The following GRM5 variants were observed in gnomAD, a reference collection of about 807,000 sequenced individuals.
The protein encoded by GRM5 is glutamate metabotropic receptor 5.
A neutral mutation model predicts 83.1 loss-of-function variants in GRM5; 19 were observed. That is an observed-to-expected ratio of 0.23 (90% confidence interval 0.16 to 0.34). GRM5 has a LOEUF of 0.34. Ranked by LOEUF, GRM5 falls within the 10% of genes least tolerant of loss-of-function variation. The pLI is 1.00. For synonymous variants in GRM5, 675 were observed against 633.6 expected, an observed-to-expected ratio of 1.07 and a Z score of -0.98; for missense variants, 1,160 against 1,588.3, an observed-to-expected ratio of 0.73 and a Z score of 4.58.
At chr11:88,923,578 G>C (rs183576664) in intron 2 of GRM5, among the ~76,000 whole-genome samples, 1 of 152,006 alleles carries the variant, frequency 6.6e-6, no homozygotes, top group East Asian at 1.9e-4. Flanking sequence ...GGAAAAGGGG[G>C]GTGGTTAATA....
At chr11:88,899,808 A>G (rs1333500597) in intron 2 of GRM5, among the ~76,000 whole-genome samples, 1 of 152,046 alleles carries the variant, frequency 6.6e-6, no homozygotes, top group Non-Finnish European at 1.5e-5. Context: ...TCTTTGCATA[A>G]ATAAGGCAGT....
At chr11:88,549,122 A>G (rs999854991) in intron 8 of GRM5, among the ~76,000 whole-genome samples, 1 of 152,186 alleles carries the variant, frequency 6.6e-6, no homozygotes. Flanking sequence ...TAGGTAATAG[A>G]AAGGGAGATA....
intron 2 of GRM5, among the ~76,000 whole-genome samples, chr11:89,015,807 C>A (rs897416895): frequency 6.6e-6 from 1 of 152,142 alleles, no homozygotes; most frequent in African/African-American, 2.4e-5. Flanking sequence ...ATTACACAAA[C>A]CAGCTTGGAA....
At chr11:88,608,087 T>C (rs1026829442) in intron 4 of GRM5, among the ~76,000 whole-genome samples, 5 of 152,148 alleles carry the variant, frequency 3.3e-5, no homozygotes, top group Admixed American at 1.3e-4. Flanking sequence ...TTACATGCAA[T>C]TGAGACTCCA....
At chr11:88,718,199 A>C (rs1379481383) in intron 3 of GRM5, among the ~76,000 whole-genome samples, 1 of 151,944 alleles carries the variant, frequency 6.6e-6, no homozygotes, top group African/African-American at 2.4e-5. Context: ...TTCACAAGTC[A>C]ATGCCTATAT....
At chr11:88,936,297 G>A (rs986085710) in intron 2 of GRM5, among the ~76,000 whole-genome samples, 1 of 151,938 alleles carries the variant, frequency 6.6e-6, no homozygotes, top group Non-Finnish European at 1.5e-5. Context: ...GAATTGGCAA[G>A]AAGTCAATGT....
At chr11:88,946,361 G>A (rs1251058260) in intron 2 of GRM5, among the ~76,000 whole-genome samples, 6 of 152,062 alleles carry the variant, frequency 3.9e-5, no homozygotes, top group African/African-American at 7.2e-5. Flanking sequence ...GCTATCATTC[G>A]ACCTAGCCCT....
intron 2 of GRM5, among the ~76,000 whole-genome samples, chr11:88,885,164 GCT>G (rs1945021721): frequency 6.6e-6 from 1 of 151,240 alleles, no homozygotes; most frequent in Non-Finnish European, 1.5e-5. Context: ...TATTTTTTAG[GCT>G]CTAGTTTAAA....
chr11:88,785,062 A>G (rs982833400), intron 3 of GRM5, among the ~76,000 whole-genome samples: 24 of 152,090 alleles, frequency 1.6e-4, no homozygotes, highest in African/African-American at 5.8e-4. Context: ...ACCGCAGGAC[A>G]TTTCAATTAC....
chr11:88,679,781 A>G (rs1274603187), intron 3 of GRM5, among the ~76,000 whole-genome samples: 4 of 152,178 alleles, frequency 2.6e-5, no homozygotes, highest in African/African-American at 7.2e-5. Context: ...TAGCTTCACC[A>G]TACTTGATTT....
Position 88,714,701 on chromosome 11 carries a change from C to T in GRM5, c.912-61298G>A, listed in dbSNP as rs75279299. Among the ~76,000 whole-genome samples, 1,043 of 151,948 alleles carry T rather than the reference C, an allele frequency of 6.9e-3. 8 individuals are homozygous for T. The highest frequency in any genetic ancestry group is 0.024 in the African/African-American group (993 of 41,472). On this transcript the variant is annotated intron_variant, in intron 3 of 9. Coordinates refer to ENST00000305447, the MANE Select transcript of GRM5 (RefSeq NM_001143831.3). ...AACACACTTGTGAAGGAGCTTCATG[C>T]TCATCAGAATTAGTCTGGACTCATG...
chr11:88,794,739 G>A (rs1943242350), intron 3 of GRM5, among the ~76,000 whole-genome samples: 1 of 152,162 alleles, frequency 6.6e-6, no homozygotes, highest in African/African-American at 2.4e-5. Flanking sequence ...GAGTGTTAAG[G>A]TGAAGCATCA....
intron 3 of GRM5, among the ~76,000 whole-genome samples, chr11:88,837,928 C>CA (rs1276054474): frequency 6.6e-6 from 1 of 151,032 alleles, no homozygotes; most frequent in Non-Finnish European, 1.5e-5. Context: ...ACTAAAAATA[C>CA]AAAAAAATTA....
chr11:88,743,413 TTATCTC>T (rs1942068963), intron 3 of GRM5, among the ~76,000 whole-genome samples: 3 of 152,198 alleles, frequency 2.0e-5, no homozygotes, highest in African/African-American at 4.8e-5. Flanking sequence ...TAATGGAACT[TTATCTC>T]AATCTCAGTT....
chr11:88,926,891 T>C (rs1945798767), intron 2 of GRM5, among the ~76,000 whole-genome samples: 1 of 152,192 alleles, frequency 6.6e-6, no homozygotes, highest in Admixed American at 6.6e-5. Flanking sequence ...ATCTAGTCCA[T>C]CTATTTTGAC....
At chr11:88,530,208 GA>G (rs953320717) in intron 8 of GRM5, among the ~76,000 whole-genome samples, 18 of 151,706 alleles carry the variant, frequency 1.2e-4, no homozygotes, top group Non-Finnish European at 2.4e-4. Flanking sequence ...ACATTTACTG[GA>G]AAAAAAATCT....
At chr11:88,797,830 A>AT (rs1014755253) in intron 3 of GRM5, among the ~76,000 whole-genome samples, 1 of 151,514 alleles carries the variant, frequency 6.6e-6, no homozygotes, top group Non-Finnish European at 1.5e-5. Context: ...CTGTTGTTAA[A>AT]AAAAAAAAGC....
At chr11:88,732,546 C>T (rs1476799137) in intron 3 of GRM5, among the ~76,000 whole-genome samples, 2 of 151,878 alleles carry the variant, frequency 1.3e-5, no homozygotes, top group East Asian at 3.9e-4. Context: ...AATAAAATCG[C>T]CTTATTTTTC....
At chr11:88,899,776 A>G (rs1480757431) in intron 2 of GRM5, among the ~76,000 whole-genome samples, 1 of 152,044 alleles carries the variant, frequency 6.6e-6, no homozygotes, top group African/African-American at 2.4e-5. Flanking sequence ...AAAAGTCTGA[A>G]TAACTGCCTT....
Sources: allele counts gnomAD v4.1 joint callset (sites outside exome capture counted in the v4.1 genomes callset), GRCh38; gene constraint gnomAD v4.1.1; transcripts MANE v1.5; gene names NCBI Gene and HGNC (gene_info 2026-07-23, HGNC 2026-07-21).